DLGAP2: variants seen among roughly 807,000 people sequenced by gnomAD.
The protein encoded by DLGAP2 is disks large-associated protein 2.
DLGAP2 carries 26 observed loss-of-function variants against 100.3 expected under a neutral mutation model. That is an observed-to-expected ratio of 0.26 (90% CI 0.19 to 0.36). The LOEUF is 0.36. Among genes scored for constraint, DLGAP2 ranks in the 10% least tolerant of loss-of-function variants. DLGAP2 has a pLI of 1.00. For missense variants in DLGAP2, 1,858 were observed against 1,453.2 expected (o/e 1.28, Z -4.53); for synonymous variants, 886 against 630.1 (o/e 1.41, Z -6.08).
chr8:823,248 T>G (rs1048852102), intron 1 of DLGAP2, among the ~76,000 whole-genome samples: 2 of 152,086 alleles, frequency 1.3e-5, no homozygotes, highest in Non-Finnish European at 2.9e-5. Context: ...AGGCAGCTCT[T>G]GTTCTGGCAT....
chr8:759,489 C>T (rs993148932), intron 1 of DLGAP2, among the ~76,000 whole-genome samples: 10 of 151,626 alleles, frequency 6.6e-5, no homozygotes, highest in Admixed American at 6.6e-5. Flanking sequence ...CCGGAGTCCA[C>T]GGTTGACGTG....
At chr8:840,720 G>T (rs557847981) in intron 1 of DLGAP2, among the ~76,000 whole-genome samples, 2 of 146,658 alleles carry the variant, frequency 1.4e-5, no homozygotes, top group East Asian at 4.1e-4. Flanking sequence ...TTCTGTGAGT[G>T]CATTTACACG....
intron 2 of DLGAP2, among the ~76,000 whole-genome samples, chr8:1,023,004 CA>C (rs1438754217): frequency 1.3e-5 from 2 of 152,324 alleles, no homozygotes; most frequent in East Asian, 3.9e-4. Flanking sequence ...ATTAAACTCG[CA>C]TGTATCTTTG....
intron 3 of DLGAP2, among the ~76,000 whole-genome samples, chr8:1,422,000 C>A (rs909216839): frequency 2.0e-5 from 3 of 151,982 alleles, no homozygotes; most frequent in Non-Finnish European, 4.4e-5. Context: ...GAAAAAGTGG[C>A]GGGTAAAACA....
At chr8:1,352,347 C>T (rs2129635168) in intron 3 of DLGAP2, among the ~76,000 whole-genome samples, 1 of 151,934 alleles carries the variant, frequency 6.6e-6, no homozygotes, top group South Asian at 2.1e-4. Context: ...GGCTGTGCTC[C>T]TCCTGTCCCC....
intron 3 of DLGAP2, among the ~76,000 whole-genome samples, chr8:1,287,970 A>G (rs1799978703): frequency 5.7e-5 from 5 of 88,222 alleles, no homozygotes; most frequent in Admixed American, 1.5e-4. Context: ...TTGTTAGGGG[A>G]ACTAGTTTCG....
chr8:1,442,939 A>G (rs1348922947), intron 3 of DLGAP2, among the ~76,000 whole-genome samples: 1 of 152,258 alleles, frequency 6.6e-6, no homozygotes, highest in Non-Finnish European at 1.5e-5. Context: ...TACCGTAAAC[A>G]CGAGTTCTGA....
intron 2 of DLGAP2, among the ~76,000 whole-genome samples, chr8:963,749 T>A (rs1308276855): frequency 6.6e-6 from 1 of 152,200 alleles, no homozygotes; most frequent in Non-Finnish European, 1.5e-5. Context: ...TCAATATTAT[T>A]TCAAGATCCT....
chr8:1,491,754 T>C (rs1799397616), intron 3 of DLGAP2, among the ~76,000 whole-genome samples: 1 of 152,232 alleles, frequency 6.6e-6, no homozygotes. Context: ...GATATTTAAA[T>C]AAGAAATAGT....
At chr8:1,334,442 G>C (rs1334084798) in intron 3 of DLGAP2, among the ~76,000 whole-genome samples, 1 of 152,190 alleles carries the variant, frequency 6.6e-6, no homozygotes, top group Non-Finnish European at 1.5e-5. Flanking sequence ...GTAAATATGT[G>C]CTGTGGGAAC....
rs568807369 is a variant in DLGAP2, at chr8:1,549,718, G to A, written c.1230+35G>A. ...CTCACGGCCCTGTGGAGGCCGTCTC[G>A]GCACAGCAGGTGGTATTGTCGTTAT... On this transcript the variant is annotated intron_variant, in intron 5 of 14. Coordinates refer to ENST00000637795, the MANE Select transcript of DLGAP2 (RefSeq NM_001346810.2). 29 of 1,501,066 alleles carry A rather than the reference G, an allele frequency of 1.9e-5. No homozygotes were observed. In the East Asian group the frequency reaches 5.5e-4, roughly 28 times the overall value. The allele number at this position is 1,501,066 out of a possible 1,614,324, so 93.0% of individuals were successfully genotyped here.
intron 1 of DLGAP2, among the ~76,000 whole-genome samples, chr8:815,380 A>G (rs1416215316): frequency 6.6e-6 from 1 of 152,220 alleles, no homozygotes; most frequent in Admixed American, 6.5e-5. Context: ...CTTTGCCCTC[A>G]TGACTTAAGT....
intron 3 of DLGAP2, among the ~76,000 whole-genome samples, chr8:1,452,319 C>A (rs1053920807): frequency 1.3e-5 from 2 of 152,226 alleles, no homozygotes; most frequent in Non-Finnish European, 2.9e-5. Flanking sequence ...CAAGCACCCT[C>A]CATACAGGTG....
chr8:985,857 C>T (rs1018614951), intron 2 of DLGAP2, among the ~76,000 whole-genome samples: 2 of 152,140 alleles, frequency 1.3e-5, no homozygotes, highest in Admixed American at 1.3e-4. Flanking sequence ...TGCCCATTTG[C>T]TCAGTCGATC....
chr8:1,183,734 C>T (rs763618880), intron 2 of DLGAP2, among the ~76,000 whole-genome samples: 5 of 152,138 alleles, frequency 3.3e-5, no homozygotes, highest in African/African-American at 9.7e-5. Context: ...CCTCCTGGTC[C>T]GAGGCATCTT....
Position 1,360,233 on chromosome 8 carries a change from G to GGGCGGGGCTTCTCCGA in DLGAP2, c.106+101365_106+101366insAGGCGGGGCTTCTCCG, listed in dbSNP as rs1191506631. Among the ~76,000 whole-genome samples the GGGCGGGGCTTCTCCGA allele has an allele frequency of 1.4e-3, 209 of 144,684 alleles. 4 individuals are homozygous for GGGCGGGGCTTCTCCGA. Among genetic ancestry groups the GGGCGGGGCTTCTCCGA allele is most frequent in the South Asian group, 3.8e-3 (16 of 4,260 alleles). The allele number at this position is 144,684 out of a possible 152,430, so 94.9% of individuals were successfully genotyped here. A position where few individuals can be genotyped will look rare whatever the true frequency, so the allele number is the denominator to read the frequency against. On this transcript the variant is annotated intron_variant, in intron 3 of 14. Transcript: ENST00000637795. ...GCTTTTCCGGGGCGGGGCTTCTCCG[G>GGGCGGGGCTTCTCCGA]GGCGGGGCTTCTCCGGGGCGGGGCT...
At chr8:924,861 C>A (rs1167276957) in intron 2 of DLGAP2, among the ~76,000 whole-genome samples, 1 of 152,136 alleles carries the variant, frequency 6.6e-6, no homozygotes, top group Non-Finnish European at 1.5e-5. Flanking sequence ...GCTGGGATTG[C>A]CAGCATGAGC....
intron 8 of DLGAP2, among the ~76,000 whole-genome samples, chr8:1,664,303 T>A (rs1798488737): frequency 6.6e-6 from 1 of 152,108 alleles, no homozygotes; most frequent in Non-Finnish European, 1.5e-5. Context: ...AGGCACAGGC[T>A]ATGTCCGCTG....
chr8:885,934 T>C (rs1797913229), intron 1 of DLGAP2, among the ~76,000 whole-genome samples: 1 of 152,082 alleles, frequency 6.6e-6, no homozygotes, highest in Admixed American at 6.6e-5. Flanking sequence ...TAGGGAGGAG[T>C]CCCTCCTTTT....
Sources: allele counts gnomAD v4.1 joint callset (sites outside exome capture counted in the v4.1 genomes callset), GRCh38; gene constraint gnomAD v4.1.1; transcripts MANE v1.5; gene names NCBI Gene and HGNC (gene_info 2026-07-23, HGNC 2026-07-21).